CRLF3: variants seen among roughly 807,000 people sequenced by gnomAD.
CRLF3 encodes cytokine receptor-like factor 3.
A neutral mutation model predicts 55.0 loss-of-function variants in CRLF3; 33 were observed. The ratio of observed to expected loss-of-function variants is 0.60; its 90% CI spans 0.46 to 0.80. CRLF3 has a LOEUF of 0.80. CRLF3 is among the 30% of genes least tolerant of loss of function. CRLF3 has a pLI of 0.00. For synonymous variants in CRLF3, 238 were observed against 196.8 expected, an observed-to-expected ratio of 1.21 and a Z score of -1.75; for missense variants, 494 against 538.4, an observed-to-expected ratio of 0.92 and a Z score of 0.82.
At chr17:30,804,691 T>C (rs1434008239) in intron 1 of CRLF3, among the ~76,000 whole-genome samples, 2 of 152,212 alleles carry the variant, frequency 1.3e-5, no homozygotes, top group Non-Finnish European at 2.9e-5. Context: ...TGGCATTCCA[T>C]TGTATATATA....
At chr17:30,793,128 C>A (rs1448811048) in intron 5 of CRLF3, among the ~76,000 whole-genome samples, 1 of 151,406 alleles carries the variant, frequency 6.6e-6, no homozygotes, top group Non-Finnish European at 1.5e-5. Context: ...CAGAGTGAGA[C>A]CTTGTCTCAA....
At chr17:30,812,096 C>T (rs1022242113) in intron 1 of CRLF3, among the ~76,000 whole-genome samples, 17 of 150,448 alleles carry the variant, frequency 1.1e-4, no homozygotes, top group Admixed American at 3.3e-4. Flanking sequence ...GGCGACAGAG[C>T]GAGACTCCGT....
intron 4 of CRLF3, among the ~76,000 whole-genome samples, chr17:30,794,547 T>TAACA (rs1157147685): frequency 6.6e-6 from 1 of 152,128 alleles, no homozygotes. Flanking sequence ...CCTATAATCC[T>TAACA]AACACTTTGA....
rs187274238 is a variant in CRLF3 at position 30,790,032 on chromosome 17, C to T, written c.959+2408G>A. On this transcript the variant is annotated intron_variant, in intron 6 of 7. Transcript: ENST00000324238. ...TCTCTCTCTCTTTGTTGGTATTTTT[C>T]TGTTTACTGAGTCATTCTTCATTAA... Among the ~76,000 whole-genome samples, 414 of 148,414 alleles carry T rather than the reference C, an allele frequency of 2.8e-3. 5 individuals are homozygous for T. The highest frequency in any genetic ancestry group is 0.019 in the South Asian group (89 of 4,606).
intron 4 of CRLF3, among the ~76,000 whole-genome samples, 156 bp downstream of exon 4, chr17:30,796,004 G>A (rs1971911092): frequency 6.6e-6 from 1 of 152,152 alleles, no homozygotes; most frequent in South Asian, 2.1e-4. Flanking sequence ...AGCTACCTCA[G>A]TGTTCCATGT....
At chr17:30,799,346 C>T (rs1238315933) in intron 2 of CRLF3, among the ~76,000 whole-genome samples, 2 of 152,072 alleles carry the variant, frequency 1.3e-5, no homozygotes, top group African/African-American at 4.8e-5. Flanking sequence ...TGCTGTAACA[C>T]TCACACTGCC....
chr17:30,805,730 AAGC>A (rs999077560), intron 1 of CRLF3, among the ~76,000 whole-genome samples: 19 of 151,718 alleles, frequency 1.3e-4, no homozygotes, highest in Admixed American at 6.6e-5. Context: ...AAAAAAAAAA[AAGC>A]AAGCCATGGT....
intron 1 of CRLF3, 145 bp downstream of exon 1, chr17:30,824,378 C>T: frequency 1.3e-6 from 1 of 745,784 alleles, no homozygotes; most frequent in Non-Finnish European, 1.9e-6. Context: ...CGTTCCCAGA[C>T]TCCATTAGGT....
intron 3 of CRLF3, among the ~76,000 whole-genome samples, chr17:30,796,815 C>T (rs1235589846): frequency 6.6e-6 from 1 of 151,776 alleles, no homozygotes; most frequent in African/African-American, 2.4e-5. Context: ...CCTCCACCTC[C>T]CCGATTCAAG....
intron 5 of CRLF3, chr17:30,792,777 C>G: frequency 2.2e-6 from 1 of 448,966 alleles, no homozygotes; most frequent in Non-Finnish European, 4.0e-6. Flanking sequence ...ATAATTTTGA[C>G]ATAATAAATC....
chr17:30,815,084 C>CTTTTTT (rs541526248), intron 1 of CRLF3, among the ~76,000 whole-genome samples: 18 of 107,526 alleles, frequency 1.7e-4, no homozygotes, highest in South Asian at 3.5e-4. Flanking sequence ...TTCTTTCTTT[C>CTTTTTT]TTTTTTTTTT....
chr17:30,800,170 C>T (rs1971984255), intron 2 of CRLF3, among the ~76,000 whole-genome samples: 1 of 152,186 alleles, frequency 6.6e-6, no homozygotes, highest in South Asian at 2.1e-4. Flanking sequence ...CAGTCTCCTT[C>T]CCTAGCTCCT....
chr17:30,820,694 A>T (rs1428658364), intron 1 of CRLF3, among the ~76,000 whole-genome samples: 3 of 152,182 alleles, frequency 2.0e-5, no homozygotes, highest in African/African-American at 7.2e-5. Flanking sequence ...CGGGAGGCTG[A>T]GGCAGGAGAA....
chr17:30,788,656 A>G (rs1971711022), intron 6 of CRLF3, among the ~76,000 whole-genome samples: 1 of 124,714 alleles, frequency 8.0e-6, no homozygotes, highest in African/African-American at 3.1e-5. Flanking sequence ...TGCCCCGGCT[A>G]GAGTACAGTG....
chr17:30,792,304 A>G (rs1387708359), intron 6 of CRLF3, 136 bp downstream of exon 6: 15 of 707,400 alleles, frequency 2.1e-5, no homozygotes, highest in East Asian at 2.1e-4. Flanking sequence ...TACAGGAAAT[A>G]AAGAAGCCTT....
Position 30,793,621 on chromosome 17 carries a change from T to G in CRLF3, c.655A>C (p.Thr219Pro), listed in dbSNP as rs1332300903. The G allele has an allele frequency of 3.7e-6, 6 of 1,613,940 alleles. No homozygotes were observed. The highest frequency in any genetic ancestry group is 4.2e-6 in the Non-Finnish European group (5 of 1,179,964). ...TATACATCCTCAAAATGATTTGAAG[T>G]ACATTTACGAAACTGGAGCCTGTAA... The part of the protein sequence containing the change: ...QDYRLQFRKC[T>P]SNHFEDVYVG... The change falls in exon 5 of 8, where the codon ACT becomes CCT. Residue 219 changes from threonine to proline, a missense_variant. Physicochemically the swap from Thr to Pro is conservative, Grantham distance 38 (BLOSUM62 -1). Coordinates refer to ENST00000324238, the MANE Select transcript of CRLF3 (RefSeq NM_015986.4).
At chr17:30,787,937 T>C (rs1383065734) in intron 6 of CRLF3, among the ~76,000 whole-genome samples, 3 of 151,618 alleles carry the variant, frequency 2.0e-5, no homozygotes, top group Middle Eastern at 3.5e-3. Flanking sequence ...GAGATGGCGA[T>C]TGCAGTGAGC....
intron 3 of CRLF3, among the ~76,000 whole-genome samples, 194 bp downstream of exon 3, chr17:30,797,117 C>G (rs923289096): frequency 2.6e-5 from 4 of 152,074 alleles, no homozygotes; most frequent in Admixed American, 2.6e-4. Flanking sequence ...TCTCAAACTC[C>G]TGGCCTCAAG....
chr17:30,789,290 G>T (rs989238764), intron 6 of CRLF3, among the ~76,000 whole-genome samples: 3 of 152,146 alleles, frequency 2.0e-5, no homozygotes, highest in African/African-American at 7.2e-5. Context: ...GTCAGCAGAG[G>T]TGAATTTAAA....
Sources: allele counts gnomAD v4.1 joint callset (sites outside exome capture counted in the v4.1 genomes callset), GRCh38; gene constraint gnomAD v4.1.1; transcripts MANE v1.5; gene names NCBI Gene and HGNC (gene_info 2026-07-23, HGNC 2026-07-21).